The following CCDC171 variants were observed in gnomAD, a reference collection of about 807,000 sequenced individuals.
CCDC171 encodes the protein coiled-coil domain containing 171.
Under a neutral mutation model 168.2 loss-of-function variants are expected in CCDC171, and 177 were observed. The ratio of observed to expected loss-of-function variants is 1.05; its 90% CI spans 0.93 to 1.19. CCDC171 has a LOEUF of 1.19. CCDC171 is among the 50% of genes most tolerant of loss of function. CCDC171 has a pLI of 0.00. For synonymous variants in CCDC171, 687 were observed against 540.8 expected (o/e 1.27, Z -3.75); for missense variants, 1,991 against 1,539.0 (o/e 1.29, Z -4.91).
chr9:16,034,260 A>G lies in CCDC171; in HGVS notation n.999-1197A>G, dbSNP rs1337454462. On this transcript the variant is annotated intron_variant and non_coding_transcript_variant, in intron 6 of 9. Transcript: ENST00000486641. ...CTTCAGTTGTGTTGGAGTTCCCACC[A>G]TTGGCGTCTATCAGCCTTCCTTATG... Among the ~76,000 whole-genome samples the G allele has an allele frequency of 9.9e-5, 15 of 152,162 alleles. No individual in the cohort carries two copies. In the East Asian group the frequency reaches 2.9e-3, roughly 29 times the overall value.
At chr9:15,734,717 A>G (rs1406882433) in intron 16 of CCDC171, among the ~76,000 whole-genome samples, 1 of 152,070 alleles carries the variant, frequency 6.6e-6, no homozygotes, top group Admixed American at 6.5e-5. Flanking sequence ...ATTTTAGGAA[A>G]TTTTGTTATG....
intron 25 of CCDC171, among the ~76,000 whole-genome samples, chr9:15,951,301 C>G (rs1021293827): frequency 1.2e-4 from 18 of 151,346 alleles, no homozygotes; most frequent in Admixed American, 1.2e-3. Flanking sequence ...AACTCTCCAC[C>G]CGAAATCAAC....
intron 3 of CCDC171, among the ~76,000 whole-genome samples, chr9:16,001,037 A>T (rs1832527432): frequency 6.6e-6 from 1 of 152,096 alleles, no homozygotes; most frequent in Admixed American, 6.6e-5. Context: ...CAGTAACCAA[A>T]CTTGCCAAGA....
intron 3 of CCDC171, among the ~76,000 whole-genome samples, chr9:15,981,745 C>A (rs1237475121): frequency 1.3e-5 from 2 of 152,118 alleles, no homozygotes; most frequent in Admixed American, 6.6e-5. Context: ...AACCCTCTCC[C>A]TTCCCTTTTC....
chr9:15,820,039 C>T (rs189775534), intron 21 of CCDC171, among the ~76,000 whole-genome samples: 3,387 of 117,548 alleles, frequency 0.029, 1,020 homozygotes, highest in African/African-American at 0.1. Flanking sequence ...AAGAAACTCA[C>T]TCAAAACTGC....
intron 23 of CCDC171, among the ~76,000 whole-genome samples, chr9:15,872,315 C>G (rs1563913467): frequency 6.6e-6 from 1 of 151,856 alleles, no homozygotes; most frequent in African/African-American, 2.4e-5. Context: ...AAATCAGTTT[C>G]AAAAGCAAGA....
chr9:15,756,521 G>A (rs951742380), intron 18 of CCDC171, among the ~76,000 whole-genome samples: 1 of 152,100 alleles, frequency 6.6e-6, no homozygotes, highest in Non-Finnish European at 1.5e-5. Flanking sequence ...CAGTTTTTCA[G>A]CCCTTACCCA....
At chr9:15,814,579 A>T (rs1399984515) in intron 21 of CCDC171, among the ~76,000 whole-genome samples, 1 of 152,054 alleles carries the variant, frequency 6.6e-6, no homozygotes, top group East Asian at 1.9e-4. Context: ...TGGGATTGAA[A>T]TACAATTGTA....
the CCDC171 span, among the ~76,000 whole-genome samples, chr9:16,089,738 G>GA: frequency 1.1e-3 from 165 of 146,716 alleles, no homozygotes; most frequent in East Asian, 0.012. Flanking sequence ...AAATTTACAA[G>GA]AAAAAAAAAA....
At chr9:15,659,251 G>C (rs1190338337) in intron 8 of CCDC171, among the ~76,000 whole-genome samples, 1 of 152,186 alleles carries the variant, frequency 6.6e-6, no homozygotes, top group African/African-American at 2.4e-5. Flanking sequence ...TCTTGGATCA[G>C]CCAGTTTCCC....
intron 21 of CCDC171, among the ~76,000 whole-genome samples, chr9:15,801,952 A>G (rs1176260219): frequency 6.6e-6 from 1 of 152,112 alleles, no homozygotes; most frequent in African/African-American, 2.4e-5. Context: ...CCATCCTTGC[A>G]TCCCTGGGAT....
intron 12 of CCDC171, among the ~76,000 whole-genome samples, chr9:15,722,923 C>G (rs2053577108): frequency 6.6e-6 from 1 of 152,146 alleles, no homozygotes; most frequent in Non-Finnish European, 1.5e-5. Context: ...AGGCCTAGGT[C>G]TGGAAGCTGC....
the CCDC171 span, among the ~76,000 whole-genome samples, chr9:16,075,690 G>A: frequency 6.6e-6 from 1 of 152,074 alleles, no homozygotes; most frequent in South Asian, 2.1e-4. Context: ...CCTTCTATCA[G>A]GCCACAGCTT....
chr9:15,676,066 C>T (rs2049533302), intron 9 of CCDC171, among the ~76,000 whole-genome samples: 1 of 152,118 alleles, frequency 6.6e-6, no homozygotes, highest in Non-Finnish European at 1.5e-5. Flanking sequence ...AGGCCTTGTT[C>T]ATTTCTTTTT....
intron 24 of CCDC171, chr9:15,886,887 A>C (rs1232879150): frequency 2.0e-5 from 3 of 152,210 alleles, no homozygotes; most frequent in African/African-American, 4.8e-5. Flanking sequence ...AGCCAGACGC[A>C]GAAAGAAAAA....
At chr9:15,977,757 A>T (rs1019586631), downstream of CCDC171, among the ~76,000 whole-genome samples, 15 of 152,256 alleles carry the variant, frequency 9.9e-5, no homozygotes, top group Admixed American at 3.3e-4. Context: ...TCTGAAGAAG[A>T]CTCATCTGAC....
chr9:16,007,023 G>T (rs1832719922), intron 3 of CCDC171, among the ~76,000 whole-genome samples: 2 of 152,156 alleles, frequency 1.3e-5, no homozygotes, highest in Non-Finnish European at 2.9e-5. Context: ...TTCCACAATG[G>T]TTGAACTAGT....
Position 15,679,227 on chromosome 9 carries a change from C to G in CCDC171, c.1215+331C>G, listed in dbSNP as rs148924619. ...TGATTAGGGTTTGTAATTAATACAT[C>G]TGATGATTTCAAAGACTTCCTTTTG... On this transcript the variant is annotated intron_variant, in intron 10 of 25. Transcript: ENST00000380701. 9.4e-3 allele frequency among the ~76,000 whole-genome samples: 1,427 copies of G among 152,222 alleles called. 7 individuals are homozygous for G. Among genetic ancestry groups the G allele is most frequent in the Non-Finnish European group, 0.016 (1,069 of 68,000 alleles).
intron 3 of CCDC171, among the ~76,000 whole-genome samples, chr9:15,981,626 G>A (rs914293276): frequency 6.6e-6 from 1 of 152,164 alleles, no homozygotes; most frequent in Non-Finnish European, 1.5e-5. Flanking sequence ...CCTAAACAAT[G>A]TTAGATGTTC....
Sources: allele counts gnomAD v4.1 joint callset (sites outside exome capture counted in the v4.1 genomes callset), GRCh38; gene constraint gnomAD v4.1.1; transcripts MANE v1.5; gene names NCBI Gene and HGNC (gene_info 2026-07-23, HGNC 2026-07-21).